Variants in PHF20 observed in about 807,000 individuals in gnomAD.
PHF20 encodes the protein PHD finger protein 20.
In PHF20, 23 loss-of-function variants were observed where a neutral mutation model predicts 113.5. The ratio of observed to expected loss-of-function variants is 0.20; its 90% CI spans 0.15 to 0.29. The LOEUF is 0.29. Ranked by LOEUF, PHF20 falls within the 10% of genes least tolerant of loss-of-function variation. The pLI is 1.00. For missense variants in PHF20, 943 were observed against 1,219.6 expected (o/e 0.77, Z 3.38); for synonymous variants, 434 against 457.3 (o/e 0.95, Z 0.65).
Position 35,863,401 on chromosome 20 carries a change from GTGAGTTTTT to G in PHF20, c.808+3_808+11del, listed in dbSNP as rs755548587. The G allele has an allele frequency of 5.1e-6, 8 of 1,583,320 alleles. No homozygotes were observed. Among genetic ancestry groups the G allele is most frequent in the Non-Finnish European group, 6.8e-6 (8 of 1,169,478 alleles). ...AGACCCCCTTCCATAGCTCCTACTGGTGAGTTTTTTAAGTGGGCTCTGCAATGGGCAATG... is the reference window on the plus strand; with the variant it reads ...AGACCCCCTTCCATAGCTCCTACTGGTAAGTGGGCTCTGCAATGGGCAATG... On this transcript the variant is annotated splice_donor_variant and splice_donor_5th_base_variant and intron_variant, in intron 6 of 17. Transcript: ENST00000374012. LOFTEE classifies it high-confidence loss of function.
intron 4 of PHF20, among the ~76,000 whole-genome samples, chr20:35,852,638 G>T (rs1329537352): frequency 6.7e-6 from 1 of 148,270 alleles, no homozygotes. Flanking sequence ...TCCCTCTGTT[G>T]CCCATGCTGG....
At chr20:35,814,918 A>G (rs972781191) in intron 2 of PHF20, among the ~76,000 whole-genome samples, 1 of 150,484 alleles carries the variant, frequency 6.6e-6, no homozygotes, top group Middle Eastern at 3.2e-3. Context: ...TAAATAGGCC[A>G]TGCATAGTAG....
intron 13 of PHF20, among the ~76,000 whole-genome samples, chr20:35,918,186 C>T (rs1435901765): frequency 1.3e-5 from 2 of 152,034 alleles, no homozygotes; most frequent in Non-Finnish European, 2.9e-5. Flanking sequence ...GAAACCATGC[C>T]TGGCCAGCAC....
At chr20:35,893,528 T>G (rs2147043645) in intron 9 of PHF20, among the ~76,000 whole-genome samples, 1 of 152,246 alleles carries the variant, frequency 6.6e-6, no homozygotes, top group East Asian at 1.9e-4. Context: ...TGTCTTGAAC[T>G]CCTTACCTCA....
intron 2 of PHF20, among the ~76,000 whole-genome samples, chr20:35,812,328 A>C (rs1387815290): frequency 6.6e-6 from 1 of 152,010 alleles, no homozygotes; most frequent in African/African-American, 2.4e-5. Context: ...ATTCCATGAT[A>C]ATCTTTCTTC....
intron 1 of PHF20, among the ~76,000 whole-genome samples, chr20:35,801,182 A>G (rs2041773832): frequency 6.6e-6 from 1 of 152,238 alleles, no homozygotes; most frequent in Admixed American, 6.5e-5. Context: ...ATAATGCATC[A>G]GCAGATGACT....
intron 3 of PHF20, among the ~76,000 whole-genome samples, chr20:35,846,563 T>C (rs2042628074): frequency 6.6e-6 from 1 of 152,168 alleles, no homozygotes; most frequent in African/African-American, 2.4e-5. Flanking sequence ...CCTTTAGAAG[T>C]GTAGATGGCA....
intron 2 of PHF20, among the ~76,000 whole-genome samples, chr20:35,802,518 G>A (rs1192519536): frequency 1.3e-5 from 2 of 152,014 alleles, no homozygotes. Flanking sequence ...GCTAAAGAAG[G>A]AAGAGTTTAA....
rs1316703415 is a variant in PHF20, at chr20:35,938,550, CA to C, written c.2301-146del. The C allele has an allele frequency of 5.3e-6, 4 of 748,750 alleles. No homozygotes were observed. The African/African-American group carries it at 7.0e-5, about 13-fold the overall frequency. 46.4% of individuals were successfully genotyped at this position (748,750 alleles called of 1,614,324 possible). ...GGTCTCCTAGGAGACCACGGATTCACATTCGCTCTTGTTTAGCAAATGGTAG... is the reference window on the plus strand; with the variant it reads ...GGTCTCCTAGGAGACCACGGATTCACTTCGCTCTTGTTTAGCAAATGGTAG... On this transcript the variant is annotated intron_variant, in intron 15 of 17. Coordinates refer to ENST00000374012, the MANE Select transcript of PHF20 (RefSeq NM_016436.5).
chr20:35,832,038 T>A (rs2042365356), intron 2 of PHF20, among the ~76,000 whole-genome samples: 1 of 151,954 alleles, frequency 6.6e-6, no homozygotes, highest in Non-Finnish European at 1.5e-5. Flanking sequence ...TCAAACGGAG[T>A]TGTTGTTTCC....
At chr20:35,896,081 A>G (rs950639185) in intron 9 of PHF20, among the ~76,000 whole-genome samples, 11 of 143,136 alleles carry the variant, frequency 7.7e-5, no homozygotes, top group African/African-American at 2.0e-4. Context: ...ATGCTTTGGG[A>G]TGTGTGTGTG....
At chr20:35,889,706 G>A (rs2054812299) in intron 9 of PHF20, among the ~76,000 whole-genome samples, 1 of 142,626 alleles carries the variant, frequency 7.0e-6, no homozygotes, top group African/African-American at 2.7e-5. Flanking sequence ...TGCATATTCT[G>A]TTTCTTAATT....
chr20:35,928,193 C>T (rs989100641), intron 14 of PHF20, among the ~76,000 whole-genome samples: 2 of 152,046 alleles, frequency 1.3e-5, no homozygotes, highest in Non-Finnish European at 2.9e-5. Flanking sequence ...AATCCCAGCA[C>T]TTTGGGAGGC....
chr20:35,938,333 G>A (rs758536220), intron 15 of PHF20, among the ~76,000 whole-genome samples: 1 of 152,126 alleles, frequency 6.6e-6, no homozygotes, highest in African/African-American at 2.4e-5. Context: ...TTGGTTGAGG[G>A]GCTTAGAATT....
intron 10 of PHF20, 114 bp from the exon 11 acceptor site, chr20:35,913,135 T>G: frequency 1.8e-6 from 1 of 544,542 alleles, no homozygotes; most frequent in Non-Finnish European, 3.4e-6. Flanking sequence ...AGCAATCTGC[T>G]CCAGACTTCC....
chr20:35,809,254 A>G (rs1234958752), intron 2 of PHF20, among the ~76,000 whole-genome samples: 4 of 150,832 alleles, frequency 2.7e-5, no homozygotes, highest in Non-Finnish European at 5.9e-5. Flanking sequence ...TCTTGGAAGA[A>G]AAAAAAAACA....
At chr20:35,935,425 G>A (rs1322185910) in intron 15 of PHF20, among the ~76,000 whole-genome samples, 2 of 152,294 alleles carry the variant, frequency 1.3e-5, no homozygotes, top group South Asian at 2.1e-4. Flanking sequence ...GGAGTGCAGT[G>A]GTATGATCGC....
chr20:35,786,216 G>A (rs1308100627), intron 1 of PHF20, among the ~76,000 whole-genome samples: 3 of 150,984 alleles, frequency 2.0e-5, no homozygotes, highest in Non-Finnish European at 2.9e-5. Context: ...GTAAAACCCC[G>A]TCTCTACTAA....
intron 15 of PHF20, among the ~76,000 whole-genome samples, chr20:35,935,547 A>G (rs1390962712): frequency 1.3e-5 from 2 of 152,072 alleles, no homozygotes; most frequent in Non-Finnish European, 2.9e-5. Flanking sequence ...TCATATTTTT[A>G]GTAGAGACTG....
Sources: gnomAD v4.1 joint callset for allele counts (sites outside exome capture counted in the v4.1 genomes callset) on GRCh38, gnomAD v4.1.1 for gene constraint, MANE v1.5 for transcripts, NCBI Gene and HGNC (gene_info 2026-07-23, HGNC 2026-07-21) for gene names.